Variants in ALPK1 observed in about 807,000 individuals in gnomAD.
ALPK1 encodes the protein alpha-protein kinase 1.
In ALPK1, 110 loss-of-function variants were observed where a neutral mutation model predicts 120.6. The ratio of observed to expected loss-of-function variants is 0.91; its 90% CI spans 0.78 to 1.07. ALPK1 has a LOEUF of 1.07. Ranked by LOEUF, ALPK1 falls within the 50% of genes least tolerant of loss-of-function variation. The pLI, the probability that ALPK1 is intolerant of heterozygous loss-of-function variation, is 0.00. For synonymous variants in ALPK1, 582 were observed against 560.3 expected, an observed-to-expected ratio of 1.04 and a Z score of -0.55; for missense variants, 1,498 against 1,483.9, an observed-to-expected ratio of 1.01 and a Z score of -0.16.
chr4:112,332,804 T>C (rs1047880181), intron 2 of ALPK1, among the ~76,000 whole-genome samples: 2 of 152,240 alleles, frequency 1.3e-5, no homozygotes, highest in Non-Finnish European at 2.9e-5. Context: ...AGTGGTGTTA[T>C]ATGTCCCTGG....
At chr4:112,375,180 CTTTTTT>C (rs200078535) in intron 2 of ALPK1, among the ~76,000 whole-genome samples, 1 of 127,352 alleles carries the variant, frequency 7.9e-6, no homozygotes, top group Non-Finnish European at 1.6e-5. Context: ...TGATGTTTTT[CTTTTTT>C]TTTTTTTTTT....
In ALPK1 at chr4:112,345,546, G is replaced by A. The variant is rs1730065133; in HGVS notation, c.-101+29694G>A. On this transcript the variant is annotated intron_variant, in intron 2 of 15. Transcript: ENST00000650871. ...CCAATTTTGTTGGTTATCTAAACCA[G>A]GGAAGAGGAGATTTCAAATAATTTC... 2.0e-5 allele frequency among the ~76,000 whole-genome samples: 3 copies of A among 152,214 alleles called. 1 individual carries two copies. The South Asian group carries it at 6.2e-4, about 32-fold the overall frequency.
At chr4:112,415,622 G>A (rs1733710191) in intron 5 of ALPK1, among the ~76,000 whole-genome samples, 1 of 149,010 alleles carries the variant, frequency 6.7e-6, no homozygotes, top group Non-Finnish European at 1.5e-5. Context: ...GGGTTACAGT[G>A]AGACTCTGTC....
chr4:112,370,389 T>C (rs988281305), intron 2 of ALPK1, among the ~76,000 whole-genome samples: 1 of 152,234 alleles, frequency 6.6e-6, no homozygotes, highest in Non-Finnish European at 1.5e-5. Flanking sequence ...CTGGACCCTT[T>C]CTATTTGATT....
chr4:112,429,559 C>T (rs1358248504), intron 10 of ALPK1, among the ~76,000 whole-genome samples: 4 of 152,286 alleles, frequency 2.6e-5, no homozygotes, highest in South Asian at 2.1e-4. Context: ...TCCTGCCAGG[C>T]ATGGTGGCTC....
chr4:112,353,868 C>CAAATAAAT (rs150299871), intron 2 of ALPK1, among the ~76,000 whole-genome samples: 3,046 of 148,788 alleles, frequency 0.02, 49 homozygotes, highest in East Asian at 0.037. Context: ...GACTCTGTCT[C>CAAATAAAT]AAATAAATAA....
intron 2 of ALPK1, among the ~76,000 whole-genome samples, chr4:112,374,337 T>G (rs1428733591): frequency 6.6e-6 from 1 of 152,224 alleles, no homozygotes; most frequent in Non-Finnish European, 1.5e-5. Context: ...ATTGCAGCAA[T>G]TCAGTCATAT....
chr4:112,426,565 T>C, intron 8 of ALPK1, 22 bp downstream of exon 8: 1 of 1,508,328 alleles, frequency 6.6e-7, no homozygotes, highest in Non-Finnish European at 8.9e-7. Context: ...AGTGCTTCTT[T>C]TTCTCCTTTC....
chr4:112,403,682 G>T (rs1733030018), intron 4 of ALPK1, among the ~76,000 whole-genome samples: 1 of 152,152 alleles, frequency 6.6e-6, no homozygotes, highest in Admixed American at 6.5e-5. Flanking sequence ...AGTGAGTTTG[G>T]CCTCTCAGCA....
chr4:112,330,528 A>G (rs1308363944), intron 2 of ALPK1, among the ~76,000 whole-genome samples: 1 of 152,220 alleles, frequency 6.6e-6, no homozygotes, highest in Non-Finnish European at 1.5e-5. Flanking sequence ...TTAAAAGGCT[A>G]GAGTTATAAT....
At chr4:112,354,397 C>G (rs1433439220) in intron 2 of ALPK1, among the ~76,000 whole-genome samples, 1 of 151,654 alleles carries the variant, frequency 6.6e-6, no homozygotes, top group African/African-American at 2.4e-5. Context: ...ATACTGAGCT[C>G]TATAATAAAT....
intron 1 of ALPK1, among the ~76,000 whole-genome samples, chr4:112,310,774 A>G (rs541458668): frequency 1.6e-4 from 25 of 152,240 alleles, no homozygotes; most frequent in African/African-American, 5.1e-4. Flanking sequence ...TTGATAATTA[A>G]ATGAGTTAAT....
intron 12 of ALPK1, among the ~76,000 whole-genome samples, chr4:112,437,608 C>T (rs1407562932): frequency 6.6e-6 from 1 of 152,186 alleles, no homozygotes; most frequent in Non-Finnish European, 1.5e-5. Flanking sequence ...GGTATGGCAT[C>T]CCTATTACAA....
intron 5 of ALPK1, among the ~76,000 whole-genome samples, chr4:112,418,282 G>A (rs1043049196): frequency 3.9e-5 from 6 of 152,220 alleles, no homozygotes; most frequent in Non-Finnish European, 8.8e-5. Context: ...AATGTTGGGG[G>A]AAGCCATCCA....
chr4:112,388,637 A>AC (rs982584675), intron 4 of ALPK1, among the ~76,000 whole-genome samples: 10 of 137,298 alleles, frequency 7.3e-5, no homozygotes, highest in African/African-American at 2.6e-4. Context: ...AAAAAAAAAA[A>AC]ACACAAAGTG....
chr4:112,397,497 A>T (rs191532929), intron 4 of ALPK1, among the ~76,000 whole-genome samples: 3 of 152,214 alleles, frequency 2.0e-5, no homozygotes, highest in African/African-American at 7.2e-5. Flanking sequence ...CAATATTTCC[A>T]TGGGCACTGT....
intron 2 of ALPK1, among the ~76,000 whole-genome samples, chr4:112,371,462 T>A (rs1268839961): frequency 6.6e-6 from 1 of 152,232 alleles, no homozygotes; most frequent in African/African-American, 2.4e-5. Context: ...TCTCTGTCTT[T>A]CATTCCCTCT....
At chr4:112,434,743 G>A (rs918345844) in intron 11 of ALPK1, among the ~76,000 whole-genome samples, 1 of 152,202 alleles carries the variant, frequency 6.6e-6, no homozygotes, top group African/African-American at 2.4e-5. Flanking sequence ...GCCATCAGTA[G>A]TAGCTTCTGT....
chr4:112,352,993 T>C (rs1294444494), intron 2 of ALPK1: 1 of 132,482 alleles, frequency 7.5e-6, no homozygotes, highest in Admixed American at 8.1e-5. Context: ...TTTTTTGAGA[T>C]AGGGTCTCAT....
Sources: gnomAD v4.1 joint callset for allele counts (sites outside exome capture counted in the v4.1 genomes callset) on GRCh38, gnomAD v4.1.1 for gene constraint, MANE v1.5 for transcripts, NCBI Gene and HGNC (gene_info 2026-07-23, HGNC 2026-07-21) for gene names.